The following PXDNL variants were observed in gnomAD, a reference collection of about 807,000 sequenced individuals.
PXDNL encodes the protein peroxidasin like.
Under a neutral mutation model 150.8 loss-of-function variants are expected in PXDNL, and 145 were observed. The ratio of observed to expected loss-of-function variants is 0.96; its 90% CI spans 0.84 to 1.10. The LOEUF (loss-of-function observed/expected upper bound fraction) is 1.10, where lower values mean the gene tolerates loss of function less well. Ranked by LOEUF, PXDNL falls within the 50% of genes least tolerant of loss-of-function variation. The probability of loss-of-function intolerance (pLI) is 0.00; values close to 1 mark genes in which losing one functional copy is unlikely to be tolerated. For missense variants in PXDNL, 2,087 were observed against 1,873.9 expected (o/e 1.11, Z -2.10); for synonymous variants, 757 against 725.7 (o/e 1.04, Z -0.69).
In PXDNL at chr8:51,809,274, C is replaced by T. The variant is rs1366438736; in HGVS notation, c.71G>A (p.Cys24Tyr). ...CTTAAAGCAAAGGCACCGGCTGGGG[C>T]AGGGCAACCCTGGCAGGCACCACCC... is the stretch of plus-strand genomic sequence containing the variant. The part of the protein sequence containing the change: ...LAGWCLPGLP[C>Y]PSRCLCFKST... The change falls in exon 1 of 23, where the codon TGC (cysteine) becomes TAC (tyrosine). Residue 24 changes from cysteine (C) to tyrosine (Y), a missense_variant. Coordinates refer to ENST00000356297, the MANE Select transcript of PXDNL (RefSeq NM_144651.5). 2.5e-6 allele frequency: 4 copies of T among 1,600,100 alleles called. No homozygotes were observed. The highest frequency in any genetic ancestry group is 2.7e-5 in the African/African-American group (2 of 74,654).
intron 17 of PXDNL, among the ~76,000 whole-genome samples, chr8:51,391,374 C>A (rs1263740913): frequency 1.3e-5 from 2 of 152,120 alleles, no homozygotes; most frequent in Non-Finnish European, 1.5e-5. Context: ...TAAAAGTGTT[C>A]CTATTTCTCC....
At chr8:51,705,662 C>T (rs1816360722) in intron 1 of PXDNL, among the ~76,000 whole-genome samples, 1 of 152,184 alleles carries the variant, frequency 6.6e-6, no homozygotes, top group Non-Finnish European at 1.5e-5. Context: ...CCTTGTTTTA[C>T]TTAGATTTGT....
chr8:51,628,715 T>C (rs1814422389), intron 2 of PXDNL, among the ~76,000 whole-genome samples: 1 of 151,992 alleles, frequency 6.6e-6, no homozygotes, highest in South Asian at 2.1e-4. Flanking sequence ...TGTTTTCTTG[T>C]TTTTATTTTT....
chr8:51,570,159 G>A (rs572149236), intron 3 of PXDNL, among the ~76,000 whole-genome samples: 2 of 151,972 alleles, frequency 1.3e-5, no homozygotes, highest in Non-Finnish European at 2.9e-5. Flanking sequence ...TCTTCCTCAT[G>A]AGGCATCAGA....
At chr8:51,605,477 CATT>C (rs1813819097) in intron 2 of PXDNL, among the ~76,000 whole-genome samples, 2 of 151,764 alleles carry the variant, frequency 1.3e-5, no homozygotes, top group South Asian at 4.2e-4. Flanking sequence ...CAGATATAGT[CATT>C]ATTAAAATTA....
intron 16 of PXDNL, among the ~76,000 whole-genome samples, chr8:51,409,975 C>A (rs767729903): frequency 6.6e-6 from 1 of 152,220 alleles, no homozygotes; most frequent in Non-Finnish European, 1.5e-5. Context: ...AACTTCTACT[C>A]TGTGCCTTTA....
At chr8:51,565,785 A>G (rs1178523536) in intron 3 of PXDNL, among the ~76,000 whole-genome samples, 1 of 151,906 alleles carries the variant, frequency 6.6e-6, no homozygotes, top group Non-Finnish European at 1.5e-5. Context: ...TTTCATGTTT[A>G]TATGAATTCC....
At chr8:51,604,515 G>A (rs906861876) in intron 2 of PXDNL, among the ~76,000 whole-genome samples, 1 of 152,134 alleles carries the variant, frequency 6.6e-6, no homozygotes, top group Non-Finnish European at 1.5e-5. Context: ...GGAGGGAGTG[G>A]GGAGGGATAG....
intron 8 of PXDNL, among the ~76,000 whole-genome samples, chr8:51,468,756 T>C (rs1810258576): frequency 6.6e-6 from 1 of 151,978 alleles, no homozygotes; most frequent in Non-Finnish European, 1.5e-5. Flanking sequence ...ATCTTAATTG[T>C]TAATATGCAC....
chr8:51,624,172 C>T (rs1375381371), intron 2 of PXDNL, among the ~76,000 whole-genome samples: 3 of 151,490 alleles, frequency 2.0e-5, no homozygotes, highest in Non-Finnish European at 2.9e-5. Context: ...TCCTATCTGC[C>T]CCCGGAGCAT....
intron 21 of PXDNL, among the ~76,000 whole-genome samples, chr8:51,328,324 G>A (rs1805582728): frequency 6.6e-6 from 1 of 152,196 alleles, no homozygotes; most frequent in African/African-American, 2.4e-5. Context: ...TCTGACTAAT[G>A]CAAACTCTTA....
chr8:51,514,742 C>T (rs147094689), intron 4 of PXDNL, among the ~76,000 whole-genome samples: 234 of 152,268 alleles, frequency 1.5e-3, no homozygotes, highest in Admixed American at 2.8e-3. Context: ...TGAGCAAGAC[C>T]GTCTGGGGCT....
At chr8:51,401,821 T>C (rs987290841) in intron 17 of PXDNL, among the ~76,000 whole-genome samples, 2 of 152,174 alleles carry the variant, frequency 1.3e-5, no homozygotes, top group African/African-American at 4.8e-5. Context: ...TGGTCTTACA[T>C]GAAATGGTCA....
chr8:51,374,871 TG>T, intron 17 of PXDNL, 140 bp from the exon 18 acceptor site: 1 of 1,056,422 alleles, frequency 9.5e-7, no homozygotes, highest in Admixed American at 2.7e-5. Context: ...TCTCATTTCA[TG>T]GGGGAAAGCA....
chr8:51,799,475 T>C (rs2129262298), intron 1 of PXDNL, among the ~76,000 whole-genome samples: 1 of 152,304 alleles, frequency 6.6e-6, no homozygotes, highest in Middle Eastern at 3.4e-3. Flanking sequence ...ATAACCAACA[T>C]TGGGAAGTGT....
chr8:51,377,102 C>G, intron 17 of PXDNL, among the ~76,000 whole-genome samples: 1 of 57,310 alleles, frequency 1.7e-5, no homozygotes, highest in Non-Finnish European at 4.1e-5. Flanking sequence ...GCACTCTACC[C>G]TTTACACACA....
intron 1 of PXDNL, among the ~76,000 whole-genome samples, chr8:51,807,774 C>T (rs1350688242): frequency 6.6e-6 from 1 of 152,164 alleles, no homozygotes; most frequent in African/African-American, 2.4e-5. Flanking sequence ...CTTTGAAACA[C>T]CTAGGAAACA....
At chr8:51,327,070 C>T (rs1012583759) in intron 21 of PXDNL, among the ~76,000 whole-genome samples, 3 of 152,190 alleles carry the variant, frequency 2.0e-5, no homozygotes, top group African/African-American at 7.2e-5. Flanking sequence ...TATTGCCTAT[C>T]TCCTTCTGCA....
chr8:51,598,354 A>G (rs2130672010), intron 2 of PXDNL, among the ~76,000 whole-genome samples: 1 of 152,222 alleles, frequency 6.6e-6, no homozygotes, highest in South Asian at 2.1e-4. Flanking sequence ...GTTCAGTATG[A>G]TGTTGGCTGT....
Sources: allele counts gnomAD v4.1 joint callset (sites outside exome capture counted in the v4.1 genomes callset), GRCh38; gene constraint gnomAD v4.1.1; transcripts MANE v1.5; gene names NCBI Gene and HGNC (gene_info 2026-07-23, HGNC 2026-07-21).